MGAM: variants seen among roughly 807,000 people sequenced by gnomAD.
MGAM encodes the protein alpha-1,4-glucosidase.
MGAM carries 253 observed loss-of-function variants against 358.8 expected under a neutral mutation model. The observed-to-expected ratio is 0.71, with a 90% confidence interval of 0.64 to 0.78. The LOEUF (loss-of-function observed/expected upper bound fraction) is 0.78. Among genes scored for constraint, MGAM ranks in the 30% least tolerant of loss-of-function variants. The pLI is 0.00. For missense variants in MGAM, 3,080 were observed against 3,432.6 expected (o/e 0.90, Z 2.57); for synonymous variants, 1,105 against 1,227.1 (o/e 0.90, Z 2.08).
intron 30 of MGAM, 151 bp from the exon 31 acceptor site, chr7:142,058,052 C>T (rs1811728825): frequency 1.6e-6 from 2 of 1,238,474 alleles, no homozygotes; most frequent in East Asian, 2.3e-5. Context: ...CTCTAAGTAT[C>T]CTAGTGGCTC....
chr7:141,990,443 C>A (rs1803898578), intron 2 of MGAM, among the ~76,000 whole-genome samples: 1 of 152,120 alleles, frequency 6.6e-6, no homozygotes, highest in Non-Finnish European at 1.5e-5. Context: ...TGTTTTGAAT[C>A]TGTGTAGAAA....
rs776287872 is a variant in MGAM at position 142,085,853 on chromosome 7, C to A, written c.6528C>A (p.Ile2176=). Residue 2176 remains isoleucine, a synonymous_variant, in exon 55 of 71, where the codon ATC becomes ATA. Coordinates refer to ENST00000475668, the MANE Select transcript of MGAM (RefSeq NM_001365693.1). ...QIPYDVQYSD[I]DYMERQLDFT... ...CGCAGGACGTGCAGTACTCAGACAT[C>A]GACTACATGGAGCGGCAGCTGGACT... is the stretch of plus-strand genomic sequence containing the variant. 9.6e-6 allele frequency: 15 copies of A among 1,565,382 alleles called. No homozygotes were observed. Among genetic ancestry groups the A allele is most frequent in the Middle Eastern group, 3.4e-4 (2 of 5,968 alleles).
chr7:142,005,048 C>T (rs1253916870), intron 1 of MGAM, among the ~76,000 whole-genome samples: 2 of 151,916 alleles, frequency 1.3e-5, no homozygotes, highest in Non-Finnish European at 2.9e-5. Context: ...CAGGAAAAAT[C>T]TACAGAACAA....
chr7:142,058,003 T>A (rs1488684880), intron 30 of MGAM, among the ~76,000 whole-genome samples, 200 bp from the exon 31 acceptor site: 1 of 152,184 alleles, frequency 6.6e-6, no homozygotes, highest in East Asian at 1.9e-4. Flanking sequence ...AGATTTTCCA[T>A]AATTTTTAAG....
intron 42 of MGAM, among the ~76,000 whole-genome samples, chr7:142,067,769 A>G (rs1488614689): frequency 7.3e-6 from 1 of 136,250 alleles, no homozygotes; most frequent in Admixed American, 7.8e-5. Flanking sequence ...CTCTAGCACT[A>G]TTACAACTTT....
rs200141280 is a variant in MGAM at position 142,047,846 on chromosome 7, C to T, written c.2560C>T (p.Leu854Phe). Reference protein sequence around the residue: ...LDENKEAKGELFWDNGETKDT... With the variant: ...LDENKEAKGEFFWDNGETKDT... ...TGAGAACAAAGAAGCAAAAGGAGAA[C>T]TTTTCTGGGATAATGGGGAAACGAA... is the stretch of plus-strand genomic sequence containing the variant. Residue 854 changes from leucine to phenylalanine, a missense_variant, in exon 22 of 71, where the codon CTT (leucine) becomes TTT (phenylalanine). Around this residue, in one of 5 missense-constraint regions of MGAM, gnomAD observed 1,816 missense variants for 1,840.5 expected, o/e 0.99. Transcript: ENST00000475668. 1.2e-3 allele frequency: 1,987 copies of T among 1,611,730 alleles called. 4 individuals carry two copies. The highest frequency in any genetic ancestry group is 4.0e-3 in the Admixed American group (242 of 59,962).
chr7:142,095,013 G>A lies in MGAM; in HGVS notation c.7458+150G>A, dbSNP rs1207424560. The A allele has an allele frequency of 6.1e-6, 5 of 823,194 alleles. No individual in the cohort carries two copies. The African/African-American group carries it at 8.7e-5, about 14-fold the overall frequency. 51.0% of individuals were successfully genotyped at this position (823,194 alleles called of 1,614,324 possible). ...AAAGACTCATTCTATTGCCTAAGCT[G>A]GATCTTGCAGTGTCCCAATCATGGC... is the stretch of plus-strand genomic sequence containing the variant. On this transcript the variant is annotated intron_variant, in intron 63 of 70. Coordinates refer to ENST00000475668, the MANE Select transcript of MGAM (RefSeq NM_001365693.1).
In MGAM at chr7:142,040,795, G is replaced by A. The variant is rs947903146; in HGVS notation, c.2447G>A (p.Arg816Gln). The change falls in exon 21 of 71, where the codon CGA becomes CAA. Residue 816 changes from arginine (R) to glutamine (Q), a missense_variant. Physicochemically the swap from Arg to Gln is conservative, Grantham distance 43. Around this residue, in one of 5 missense-constraint regions of MGAM, gnomAD observed 1,816 missense variants for 1,840.5 expected, o/e 0.99. Transcript: ENST00000475668. ...GGAGACAAAATTGGACTTCACCTTC[G>A]AGGAGGCTACATCTTCCCCACACAG... ...LPGDKIGLHL[R>Q]GGYIFPTQQP... 13 of 1,613,220 alleles carry A rather than the reference G, an allele frequency of 8.1e-6. No homozygotes were observed. The highest frequency in any genetic ancestry group is 1.7e-4 in the Middle Eastern group (1 of 6,056).
In MGAM at chr7:142,058,693, G is replaced by T. The variant is rs559234223; in HGVS notation, c.3819+365G>T. Among the ~76,000 whole-genome samples, 7 of 152,318 alleles carry T rather than the reference G, an allele frequency of 4.6e-5. No homozygotes were observed. The South Asian group carries it at 1.5e-3, about 32-fold the overall frequency. ...AGTTCTTTTACTTAATTCTTGAAAA[G>T]ACTAACCACAAATCAATCAGACAAT... On this transcript the variant is annotated intron_variant, in intron 31 of 70. Transcript: ENST00000475668.
intron 18 of MGAM, among the ~76,000 whole-genome samples, chr7:142,037,257 T>C (rs951601149): frequency 3.0e-4 from 46 of 152,202 alleles, no homozygotes; most frequent in African/African-American, 1.1e-3. Context: ...TGCCATTCAC[T>C]AACTCTGTAT....
intron 44 of MGAM, among the ~76,000 whole-genome samples, chr7:142,073,234 TC>T (rs1813484429): frequency 6.8e-6 from 1 of 146,314 alleles, no homozygotes; most frequent in South Asian, 2.2e-4. Context: ...AATTTTTGTA[TC>T]TCATTGACTT....
chr7:142,040,103 T>A lies in MGAM; in HGVS notation c.2317-12T>A. 1 of 1,604,728 alleles carries A rather than the reference T, an allele frequency of 6.2e-7. No homozygotes were observed. The highest frequency in any genetic ancestry group is 8.5e-7 in the Non-Finnish European group (1 of 1,173,110). On this transcript the variant is annotated splice_polypyrimidine_tract_variant and intron_variant, in intron 19 of 70. Transcript: ENST00000475668. Reference sequence around the variant, plus strand: ...ATTTCCCTCAGGGGACACTACATTTTTTTAATTTCAGGGTGCAGAGAAAGT... The same window carrying A: ...ATTTCCCTCAGGGGACACTACATTTATTTAATTTCAGGGTGCAGAGAAAGT...
chr7:142,093,538 G>C lies in MGAM; in HGVS notation c.7160G>C (p.Arg2387Thr). The change falls in exon 60 of 71, where the codon AGA becomes ACA. Residue 2387 changes from arginine to threonine, a missense_variant. By Grantham distance (71) the Arg-to-Thr change is moderately conservative. Transcript: ENST00000475668. Reference protein sequence around the residue: ...VHNLYGWSQTRPTYEAVQEVT... With the variant: ...VHNLYGWSQTTPTYEAVQEVT... ...AACCTGTACGGGTGGTCCCAGACCA[G>C]ACCCACATACGAGTGAGTCTCTGTC... 1 of 1,501,048 alleles carries C rather than the reference G, an allele frequency of 6.7e-7. No homozygotes were observed. The highest frequency in any genetic ancestry group is 1.2e-5 in the South Asian group (1 of 82,606). The allele number at this position is 1,501,048 out of a possible 1,614,324, so 93.0% of individuals were successfully genotyped here.
chr7:142,041,061 T>A (rs1320754919), intron 21 of MGAM, among the ~76,000 whole-genome samples: 1 of 152,134 alleles, frequency 6.6e-6, no homozygotes, highest in Non-Finnish European at 1.5e-5. Flanking sequence ...CCACACTGCA[T>A]CCATGTTTCT....
At chr7:142,019,170 G>A (rs1806206719) in intron 3 of MGAM, 29 bp from the exon 4 acceptor site, 1 of 1,606,386 alleles carries the variant, frequency 6.2e-7, no homozygotes, top group Non-Finnish European at 8.5e-7. Context: ...CAACTAAATG[G>A]AGCTTCTTTG....
intron 65 of MGAM, among the ~76,000 whole-genome samples, chr7:142,097,166 T>C (rs1278500004): frequency 6.6e-6 from 1 of 152,054 alleles, no homozygotes; most frequent in Non-Finnish European, 1.5e-5. Context: ...CTTGATCTCC[T>C]GACCTCATGA....
chr7:142,040,612 A>C (rs1488784030), intron 20 of MGAM, 110 bp from the exon 21 acceptor site: 1 of 1,376,086 alleles, frequency 7.3e-7, no homozygotes, highest in Non-Finnish European at 9.9e-7. Context: ...CTAGACCATA[A>C]TTCAGCTAAT....
chr7:142,039,875 T>C lies in MGAM; in HGVS notation c.2317-240T>C, dbSNP rs552986475. On this transcript the variant is annotated intron_variant, in intron 19 of 70. Coordinates refer to ENST00000475668, the MANE Select transcript of MGAM (RefSeq NM_001365693.1). ...TAATCATGTAAAGCTGGAATGTTTGTCACCACACATGTTTTATTATTATTT... is the reference window on the plus strand; with the variant it reads ...TAATCATGTAAAGCTGGAATGTTTGCCACCACACATGTTTTATTATTATTT... Among the ~76,000 whole-genome samples the C allele has an allele frequency of 7.9e-5, 12 of 152,298 alleles. No homozygotes were observed. In the East Asian group the frequency reaches 2.1e-3, roughly 27 times the overall value.
upstream of MGAM, among the ~76,000 whole-genome samples, chr7:141,992,905 C>A (rs908979938): frequency 2.0e-5 from 3 of 152,182 alleles, no homozygotes; most frequent in Non-Finnish European, 4.4e-5. Flanking sequence ...ACTCGGCCAG[C>A]CTCCATGCAT....
Sources: gnomAD v4.1 joint callset for allele counts (sites outside exome capture counted in the v4.1 genomes callset) on GRCh38, gnomAD v4.1.1 for gene constraint, gnomAD v4.1.1 regional missense constraint, MANE v1.5 for transcripts, NCBI Gene and HGNC (gene_info 2026-07-23, HGNC 2026-07-21) for gene names.